The following GRIP1 variants were observed in gnomAD, a reference collection of about 807,000 sequenced individuals.
The protein encoded by GRIP1 is glutamate receptor interacting protein 1.
A neutral mutation model predicts 129.9 loss-of-function variants in GRIP1; 45 were observed. The observed-to-expected ratio is 0.35, with a 90% confidence interval of 0.27 to 0.44. The LOEUF (loss-of-function observed/expected upper bound fraction) is 0.44. Among genes scored for constraint, GRIP1 ranks in the 20% least tolerant of loss-of-function variants. The pLI, the probability that GRIP1 is intolerant of heterozygous loss-of-function variation, is 1.00. For synonymous variants in GRIP1, 530 were observed against 520.8 expected, an observed-to-expected ratio of 1.02 and a Z score of -0.24; for missense variants, 1,196 against 1,396.8, an observed-to-expected ratio of 0.86 and a Z score of 2.29.
chr12:66,871,377 A>T (rs931891204), intron 1 of GRIP1, among the ~76,000 whole-genome samples: 3 of 152,110 alleles, frequency 2.0e-5, no homozygotes, highest in Non-Finnish European at 4.4e-5. Context: ...AATCTCTATC[A>T]ATGCATAAGA....
chr12:66,512,259 A>C (rs2060720883), intron 7 of GRIP1, among the ~76,000 whole-genome samples: 1 of 152,116 alleles, frequency 6.6e-6, no homozygotes, highest in Admixed American at 6.6e-5. Context: ...ATACTCGAAA[A>C]TGTGGAAGTG....
At chr12:66,476,599 C>A (rs1166979457) in intron 7 of GRIP1, among the ~76,000 whole-genome samples, 6 of 152,124 alleles carry the variant, frequency 3.9e-5, no homozygotes, top group African/African-American at 9.7e-5. Context: ...GACCAATATC[C>A]CTGATGAACA....
intron 1 of GRIP1, among the ~76,000 whole-genome samples, chr12:66,661,362 A>G (rs914505992): frequency 6.6e-6 from 1 of 150,712 alleles, no homozygotes; most frequent in Non-Finnish European, 1.5e-5. Context: ...AATCCCTAGG[A>G]GTTAATTTCT....
At chr12:66,676,189 TGTCA>T (rs1378290661) in intron 1 of GRIP1, among the ~76,000 whole-genome samples, 4 of 152,150 alleles carry the variant, frequency 2.6e-5, no homozygotes, top group Non-Finnish European at 5.9e-5. Flanking sequence ...AGTGCAAAAA[TGTCA>T]GTGTCTGGCA....
intron 2 of GRIP1, among the ~76,000 whole-genome samples, chr12:66,551,938 G>A (rs187245381): frequency 3.5e-4 from 54 of 152,244 alleles, no homozygotes; most frequent in Non-Finnish European, 4.7e-4. Flanking sequence ...ACTACTGTGC[G>A]GGGATTAGAA....
chr12:66,398,284 T>C (rs927394102), intron 16 of GRIP1, among the ~76,000 whole-genome samples: 22 of 150,018 alleles, frequency 1.5e-4, no homozygotes, highest in Non-Finnish European at 3.1e-4. Context: ...AGCTTTTCAT[T>C]GGTTCCTCAG....
chr12:67,033,282 T>C (rs999093232), intron 1 of GRIP1, among the ~76,000 whole-genome samples: 2 of 150,194 alleles, frequency 1.3e-5, no homozygotes, highest in African/African-American at 2.4e-5. Context: ...TATATATATA[T>C]ATATATATAT....
intron 7 of GRIP1, among the ~76,000 whole-genome samples, chr12:66,492,180 A>AG (rs2060121379): frequency 6.6e-6 from 1 of 152,174 alleles, no homozygotes; most frequent in Non-Finnish European, 1.5e-5. Context: ...AAAAAAAAAA[A>AG]AAGTATCCTA....
At chr12:66,777,159 C>T (rs958043982) in intron 1 of GRIP1, among the ~76,000 whole-genome samples, 8 of 152,166 alleles carry the variant, frequency 5.3e-5, no homozygotes, top group African/African-American at 1.7e-4. Flanking sequence ...TGACAGGAGC[C>T]TTGAAAGTGC....
At chr12:66,690,958 A>T (rs532222643) in intron 1 of GRIP1, among the ~76,000 whole-genome samples, 194 of 151,824 alleles carry the variant, frequency 1.3e-3, no homozygotes, top group Admixed American at 2.5e-3. Context: ...AAACAAAAAA[A>T]CCTCCATACT....
At chr12:66,987,630 C>A (rs1183755823) in intron 1 of GRIP1, among the ~76,000 whole-genome samples, 1 of 152,182 alleles carries the variant, frequency 6.6e-6, no homozygotes, top group African/African-American at 2.4e-5. Context: ...AAGTATTCCA[C>A]CCCAATCAAT....
intron 1 of GRIP1, among the ~76,000 whole-genome samples, chr12:67,031,207 A>G (rs2043017299): frequency 2.0e-5 from 3 of 152,178 alleles, no homozygotes; most frequent in Admixed American, 2.0e-4. Flanking sequence ...ACTAGAAGCT[A>G]CCAAAAACCT....
chr12:66,831,368 G>A (rs2039514598), intron 1 of GRIP1, among the ~76,000 whole-genome samples: 2 of 152,098 alleles, frequency 1.3e-5, no homozygotes, highest in Admixed American at 1.3e-4. Flanking sequence ...TGGACTTAGA[G>A]ATATCTTACA....
intron 1 of GRIP1, among the ~76,000 whole-genome samples, chr12:66,827,469 T>C (rs535651739): frequency 6.6e-6 from 1 of 151,980 alleles, no homozygotes; most frequent in Non-Finnish European, 1.5e-5. Flanking sequence ...ACTACAAATT[T>C]ATACACTAAT....
intron 1 of GRIP1, among the ~76,000 whole-genome samples, chr12:66,721,117 T>C (rs1298920949): frequency 6.6e-6 from 1 of 152,160 alleles, no homozygotes; most frequent in African/African-American, 2.4e-5. Flanking sequence ...ACAACATTCA[T>C]CTCCTTGTAT....
rs55991523 is a variant in GRIP1, at chr12:66,788,843, C to G, written c.-420+15210G>C. Among the ~76,000 whole-genome samples the G allele has an allele frequency of 3.6e-3, 541 of 152,198 alleles. 1 individual carries two copies. Among genetic ancestry groups the G allele is most frequent in the Admixed American group, 7.5e-3 (114 of 15,270 alleles). On this transcript the variant is annotated intron_variant, in intron 1 of 4. Coordinates refer to the GRIP1 transcript ENST00000538373. The stretch of plus-strand genomic sequence containing the variant: ...CACAGCCTTCTGAGAGACCATGAAC[C>G]CGAGTATCCAGCTAAGCTGCACCAG...
intron 1 of GRIP1, among the ~76,000 whole-genome samples, chr12:66,670,511 C>T (rs1354222346): frequency 1.3e-5 from 2 of 152,198 alleles, no homozygotes; most frequent in East Asian, 1.9e-4. Flanking sequence ...GGTGTTCACA[C>T]AGTTCTGTGG....
At chr12:66,461,516 C>T (rs543602072) in intron 9 of GRIP1, among the ~76,000 whole-genome samples, 1 of 152,334 alleles carries the variant, frequency 6.6e-6, no homozygotes, top group South Asian at 2.1e-4. Flanking sequence ...CTTCCTACAG[C>T]TGTTTGCATT....
chr12:66,395,457 T>A (rs113366294), intron 16 of GRIP1, among the ~76,000 whole-genome samples: 12 of 152,340 alleles, frequency 7.9e-5, no homozygotes, highest in African/African-American at 2.9e-4. Context: ...TCGTTTACGA[T>A]ATGAAATCCT....
Sources: allele counts gnomAD v4.1 joint callset (sites outside exome capture counted in the v4.1 genomes callset), GRCh38; gene constraint gnomAD v4.1.1; transcripts MANE v1.5; gene names NCBI Gene and HGNC (gene_info 2026-07-23, HGNC 2026-07-21).